OSBPL8: variants seen among roughly 807,000 people sequenced by gnomAD.
OSBPL8 encodes oxysterol-binding protein-related protein 8.
A neutral mutation model predicts 125.5 loss-of-function variants in OSBPL8; 59 were observed. That is an observed-to-expected ratio of 0.47 (90% CI 0.38 to 0.58). OSBPL8 has a LOEUF of 0.58. Among genes scored for constraint, OSBPL8 ranks in the 20% least tolerant of loss-of-function variants. The probability of loss-of-function intolerance (pLI) is 0.00; values close to 1 mark genes in which losing one functional copy is unlikely to be tolerated. For missense variants in OSBPL8, 758 were observed against 1,047.8 expected (o/e 0.72, Z 3.82); for synonymous variants, 330 against 338.9 (o/e 0.97, Z 0.29).
intron 12 of OSBPL8, among the ~76,000 whole-genome samples, chr12:76,387,175 T>C (rs1378840184): frequency 1.3e-5 from 2 of 152,188 alleles, no homozygotes; most frequent in Non-Finnish European, 2.9e-5. Flanking sequence ...AGGAGATCAA[T>C]GGTAAACTGG....
chr12:76,361,091 G>A (rs565738731), intron 21 of OSBPL8, among the ~76,000 whole-genome samples: 3 of 152,134 alleles, frequency 2.0e-5, no homozygotes, highest in Non-Finnish European at 4.4e-5. Context: ...CTACTGCATC[G>A]TCAGGCTGCA....
At chr12:76,480,217 A>G (rs1877326508) in intron 2 of OSBPL8, among the ~76,000 whole-genome samples, 1 of 150,110 alleles carries the variant, frequency 6.7e-6, no homozygotes, top group Non-Finnish European at 1.5e-5. Flanking sequence ...AGGGAAGTGT[A>G]GGCACTGAAT....
chr12:76,489,448 G>A (rs974556786), intron 1 of OSBPL8, among the ~76,000 whole-genome samples: 1 of 152,188 alleles, frequency 6.6e-6, no homozygotes, highest in Non-Finnish European at 1.5e-5. Context: ...GTTTGAAGTT[G>A]AAGCCAATGT....
At chr12:76,541,506 A>C (rs1465639083) in intron 1 of OSBPL8, among the ~76,000 whole-genome samples, 1 of 151,756 alleles carries the variant, frequency 6.6e-6, no homozygotes, top group Non-Finnish European at 1.5e-5. Context: ...TAATTAAATA[A>C]TAAAAATTAT....
At position 76,378,447 on chromosome 12, in the gene OSBPL8, T is replaced by G; in HGVS notation, c.1729+5A>C. 2.6e-6 allele frequency: 4 copies of G among 1,531,868 alleles called. No homozygotes were observed. The highest frequency in any genetic ancestry group is 3.6e-6 in the Non-Finnish European group (4 of 1,122,784). 94.9% of individuals were successfully genotyped at this position (1,531,868 alleles called of 1,614,324 possible). On this transcript the variant is annotated splice_donor_5th_base_variant and intron_variant, in intron 16 of 23. Transcript: ENST00000261183. ...ATATCTAATTCAAGTATAGAAAATA[T>G]TTACCTTTACAATGAGCGTATGGCA...
intron 21 of OSBPL8, among the ~76,000 whole-genome samples, chr12:76,364,632 C>T (rs1404505506): frequency 6.6e-6 from 1 of 152,100 alleles, no homozygotes; most frequent in Non-Finnish European, 1.5e-5. Context: ...GCTTGTATCC[C>T]AGAACTTAAA....
At chr12:76,440,289 T>C (rs954253975) in intron 4 of OSBPL8, among the ~76,000 whole-genome samples, 3 of 152,166 alleles carry the variant, frequency 2.0e-5, no homozygotes, top group Non-Finnish European at 4.4e-5. Context: ...TGGTTCGTTA[T>C]CCCACGTATT....
intron 5 of OSBPL8, among the ~76,000 whole-genome samples, chr12:76,409,522 C>T (rs1157313442): frequency 2.6e-5 from 4 of 152,140 alleles, no homozygotes; most frequent in Non-Finnish European, 5.9e-5. Flanking sequence ...AATGTGTATG[C>T]TTTTCTCTTG....
chr12:76,432,389 G>C (rs377114395), intron 4 of OSBPL8, among the ~76,000 whole-genome samples: 355 of 152,160 alleles, frequency 2.3e-3, no homozygotes, highest in South Asian at 8.5e-3. Flanking sequence ...AAATCAGCCA[G>C]GGCAACCCAG....
intron 3 of OSBPL8, among the ~76,000 whole-genome samples, chr12:76,456,083 C>T (rs1874006386): frequency 6.6e-6 from 1 of 152,078 alleles, no homozygotes; most frequent in African/African-American, 2.4e-5. Context: ...ACATTTTTAC[C>T]TTCTGAATTC....
intron 2 of OSBPL8, among the ~76,000 whole-genome samples, chr12:76,475,089 CACA>C (rs1430684422): frequency 8.5e-5 from 13 of 152,258 alleles, no homozygotes; most frequent in African/African-American, 3.1e-4. Flanking sequence ...TTGAATCCTT[CACA>C]TTTCTTTCTG....
At chr12:76,360,570 T>TGG (rs745712402) in intron 21 of OSBPL8, among the ~76,000 whole-genome samples, 1 of 152,284 alleles carries the variant, frequency 6.6e-6, no homozygotes. Context: ...AGGGACTCTG[T>TGG]GGGGGGCTCC....
At chr12:76,464,520 CA>C (rs927439715) in intron 2 of OSBPL8, among the ~76,000 whole-genome samples, 12 of 151,366 alleles carry the variant, frequency 7.9e-5, no homozygotes, top group African/African-American at 2.9e-4. Context: ...GTGCACAATG[CA>C]AAAAAAAGTG....
intron 15 of OSBPL8, among the ~76,000 whole-genome samples, chr12:76,379,647 T>C (rs1265634861): frequency 6.6e-6 from 1 of 152,220 alleles, no homozygotes; most frequent in African/African-American, 2.4e-5. Flanking sequence ...TTTTACTTCC[T>C]TCAATTAGCA....
At chr12:76,380,512 T>C (rs1335623195) in intron 15 of OSBPL8, among the ~76,000 whole-genome samples, 3 of 112,410 alleles carry the variant, frequency 2.7e-5, no homozygotes, top group African/African-American at 1.0e-4. Flanking sequence ...ACCAGCAACA[T>C]AGTGAGACAC....
At chr12:76,491,206 T>C (rs1336026377) in intron 1 of OSBPL8, among the ~76,000 whole-genome samples, 1 of 152,196 alleles carries the variant, frequency 6.6e-6, no homozygotes, top group Non-Finnish European at 1.5e-5. Context: ...AGATTTAGAA[T>C]ACTACATAAA....
chr12:76,471,122 C>G (rs1462065023), intron 2 of OSBPL8, among the ~76,000 whole-genome samples: 1 of 152,148 alleles, frequency 6.6e-6, no homozygotes, highest in East Asian at 1.9e-4. Context: ...CACTGTCTGG[C>G]TAACTGACTT....
chr12:76,528,091 G>A (rs892681029), intron 1 of OSBPL8, among the ~76,000 whole-genome samples: 1 of 152,156 alleles, frequency 6.6e-6, no homozygotes, highest in Non-Finnish European at 1.5e-5. Flanking sequence ...GGGAAGCCGA[G>A]GTGGGCGGAT....
chr12:76,424,824 A>G (rs1464577425), intron 4 of OSBPL8, among the ~76,000 whole-genome samples: 1 of 152,098 alleles, frequency 6.6e-6, no homozygotes, highest in Non-Finnish European at 1.5e-5. Context: ...AAATCAAGAA[A>G]AGGGGTATTT....
Sources: allele counts gnomAD v4.1 joint callset (sites outside exome capture counted in the v4.1 genomes callset), GRCh38; gene constraint gnomAD v4.1.1; transcripts MANE v1.5; gene names NCBI Gene and HGNC (gene_info 2026-07-23, HGNC 2026-07-21).